The following SMIM27 variants were observed in gnomAD, a reference collection of about 807,000 sequenced individuals.
SMIM27 encodes TOPORS antisense RNA 1 (non-protein coding).
A neutral mutation model predicts 1.8 loss-of-function variants in SMIM27; 3 were observed. The observed-to-expected ratio is 1.65, with a 90% CI of 0.75 to 4.28. SMIM27 has a LOEUF of 4.28. SMIM27 is among the 30% of genes most tolerant of loss of function. The pLI is 0.02. For missense variants in SMIM27, 63 were observed against 37.0 expected (o/e 1.70, Z -1.83); for synonymous variants, 19 against 13.9 (o/e 1.37, Z -0.82).
chr9:32,557,209 G>C (rs982382284), downstream of SMIM27, among the ~76,000 whole-genome samples: 1 of 147,160 alleles, frequency 6.8e-6, no homozygotes, highest in African/African-American at 2.5e-5. Flanking sequence ...CTGTGACCCA[G>C]GCTGGAGTGC....
At chr9:32,566,478 A>T in exon 2 of SMIM27, 1 of 796,140 alleles carries the variant, frequency 1.3e-6, no homozygotes. Flanking sequence ...TGTCGAAGGG[A>T]CCCTGGCAGG....
At chr9:32,563,295 A>AT (rs1019732161) in intron 1 of SMIM27, among the ~76,000 whole-genome samples, 98 of 152,184 alleles carry the variant, frequency 6.4e-4, no homozygotes, top group Non-Finnish European at 9.4e-4. Flanking sequence ...TATTTTGAGG[A>AT]TAAGTATTTT....
At position 32,566,796 on chromosome 9, in the gene SMIM27, A is replaced by T. The variant is rs1056192880; in HGVS notation, c.*343A>T. 117 of 904,430 alleles carry T rather than the reference A, an allele frequency of 1.3e-4. 2 individuals carry two copies. The Admixed American group carries it at 2.0e-3, about 16-fold the overall frequency. 56.0% of individuals were successfully genotyped at this position (904,430 alleles called of 1,614,324 possible). On this transcript the variant is annotated 3_prime_UTR_variant, in exon 2 of 2. Transcript: ENST00000451672. ...GACGTTCTGGCTGACGTTGTACAGG[A>T]GGTCGGCCAGCAGTCTCTGCCTCTG... is the stretch of plus-strand genomic sequence containing the variant.
chr9:32,551,910 A>G (rs970527402), upstream of SMIM27: 132 of 355,674 alleles, frequency 3.7e-4, no homozygotes, highest in Middle Eastern at 3.8e-4. Flanking sequence ...TGTCACATAT[A>G]AAAGAGTGGG....
chr9:32,558,961 TA>T, intron 1 of SMIM27: 2 of 1,576,830 alleles, frequency 1.3e-6, no homozygotes, highest in Middle Eastern at 1.7e-4. Context: ...TTTCCTGTAA[TA>T]AAAGTTAACT....
upstream of SMIM27, chr9:32,551,319 T>G: frequency 2.3e-6 from 1 of 432,218 alleles, no homozygotes; most frequent in Non-Finnish European, 4.4e-6. Flanking sequence ...AAATTATCTT[T>G]AGTGTCTAGA....
At chr9:32,553,034 T>C (rs1467205139), downstream of SMIM27, 2 of 573,256 alleles carry the variant, frequency 3.5e-6, no homozygotes, top group Admixed American at 3.3e-5. Context: ...CATTATCCTT[T>C]ATAACAAGCA....
chr9:32,558,509 T>A (rs1028627804), intron 1 of SMIM27, among the ~76,000 whole-genome samples: 1 of 152,152 alleles, frequency 6.6e-6, no homozygotes, highest in African/African-American at 2.4e-5. Flanking sequence ...CCATAGGACA[T>A]GAGAGTTTGG....
chr9:32,553,051 T>C (rs899097460), downstream of SMIM27: 3 of 531,886 alleles, frequency 5.6e-6, no homozygotes, highest in Admixed American at 3.5e-5. Context: ...AGCACTAGTA[T>C]GCAAATTTTT....
At chr9:32,564,335 C>T (rs908317491) in intron 1 of SMIM27, among the ~76,000 whole-genome samples, 1 of 152,034 alleles carries the variant, frequency 6.6e-6, no homozygotes, top group Non-Finnish European at 1.5e-5. Context: ...CACAGGCATA[C>T]CTTACTTTAT....
chr9:32,563,028 T>C (rs1289657761), intron 1 of SMIM27, among the ~76,000 whole-genome samples: 2 of 152,264 alleles, frequency 1.3e-5, no homozygotes, highest in Admixed American at 1.3e-4. Context: ...ATGCCAATAA[T>C]GAGGGAGAAC....
At chr9:32,553,012 A>G (rs940365890), downstream of SMIM27, 32 of 592,988 alleles carry the variant, frequency 5.4e-5, no homozygotes, top group Non-Finnish European at 9.0e-5. Flanking sequence ...AAAGTTCCCA[A>G]GTTTATTTTT....
downstream of SMIM27, among the ~76,000 whole-genome samples, chr9:32,556,976 C>G (rs559042748): frequency 5.4e-4 from 80 of 148,710 alleles, 1 homozygote; most frequent in African/African-American, 2.0e-3. Flanking sequence ...CTCAGCCTCC[C>G]CGGTAGCTAG....
chr9:32,566,633 G>A lies in SMIM27; in HGVS notation c.*180G>A, dbSNP rs1250971438. 1.1e-5 allele frequency: 9 copies of A among 792,314 alleles called. No homozygotes were observed. The Admixed American group carries it at 1.2e-4, about 10-fold the overall frequency. The allele number at this position is 792,314 out of a possible 1,614,324, so 49.1% of individuals were successfully genotyped here. ...CCTCCTGAGCCTCTGCACCCACCAT[G>A]GAGGAGCAGGAGCTCACCTCTCTCA... On this transcript the variant is annotated 3_prime_UTR_variant, in exon 2 of 2. Coordinates refer to the SMIM27 transcript ENST00000451672.
exon 2 of SMIM27, chr9:32,566,402 A>C: frequency 3.1e-6 from 3 of 955,222 alleles, no homozygotes; most frequent in South Asian, 2.6e-5. Flanking sequence ...TTCCAGGTCC[A>C]GAAGAGGAGC....
intron 1 of SMIM27, among the ~76,000 whole-genome samples, chr9:32,560,924 C>T (rs969747801): frequency 6.6e-6 from 1 of 152,168 alleles, no homozygotes; most frequent in Non-Finnish European, 1.5e-5. Flanking sequence ...TTTTAAGTCA[C>T]TGTAACCAGT....
At chr9:32,558,201 T>TC in intron 1 of SMIM27, among the ~76,000 whole-genome samples, 1 of 146,710 alleles carries the variant, frequency 6.8e-6, no homozygotes, top group East Asian at 2.0e-4. Context: ...AAGCTCCACC[T>TC]CCCAGGTTCA....
chr9:32,552,450 C>T lies in SMIM27; in HGVS notation c.16C>T (p.Arg6Cys). The change falls in exon 1 of 2, where the codon CGT becomes TGT. Residue 6 changes from arginine (R) to cysteine (C), a missense_variant. Physicochemically the swap from Arg to Cys is radical, Grantham distance 180. Coordinates refer to ENST00000692500, the MANE Select transcript of SMIM27 (RefSeq NM_001387564.1). MKPVS[R>C]RTLDWIYSVL... ...CCTCCTTACCATGAAGCCAGTAAGT[C>T]GTCGCACGCTGGACTGGATTTATTC... 1 of 1,605,612 alleles carries T rather than the reference C, an allele frequency of 6.2e-7. No homozygotes were observed. Among genetic ancestry groups the T allele is most frequent in the Non-Finnish European group, 8.5e-7 (1 of 1,176,430 alleles).
intron 1 of SMIM27, 88 bp from the exon 2 acceptor site, chr9:32,552,713 C>G (rs1454067753): frequency 9.0e-6 from 6 of 666,646 alleles, no homozygotes; most frequent in Non-Finnish European, 1.4e-5. Context: ...TACTTTAATT[C>G]CCACCTTAGC....
Sources: allele counts gnomAD v4.1 joint callset (sites outside exome capture counted in the v4.1 genomes callset), GRCh38; gene constraint gnomAD v4.1.1; transcripts MANE v1.5; gene names NCBI Gene and HGNC (gene_info 2026-07-23, HGNC 2026-07-21).